C1QTNF7: variants seen among roughly 807,000 people sequenced by gnomAD.
C1QTNF7 encodes complement C1q tumor necrosis factor-related protein 7.
A neutral mutation model predicts 19.6 loss-of-function variants in C1QTNF7; 15 were observed. That is an observed-to-expected ratio of 0.76 (90% CI 0.51 to 1.18). The LOEUF is 1.18. C1QTNF7 is among the 50% of genes most tolerant of loss of function. The probability of loss-of-function intolerance (pLI) is 0.00; values close to 1 mark genes in which losing one functional copy is unlikely to be tolerated. For missense variants in C1QTNF7, 324 were observed against 359.7 expected, an observed-to-expected ratio of 0.90 and a Z score of 0.80; for synonymous variants, 142 against 137.5, an observed-to-expected ratio of 1.03 and a Z score of -0.23.
At chr4:15,396,942 T>G (rs1718806512) in intron 1 of C1QTNF7, among the ~76,000 whole-genome samples, 1 of 152,104 alleles carries the variant, frequency 6.6e-6, no homozygotes, top group African/African-American at 2.4e-5. Context: ...ACTGGGCAAT[T>G]TACAAAAGAG....
At position 15,358,586 on chromosome 4, in the gene C1QTNF7, ATGAAGCAGTGGTTATTTT is replaced by A. The variant is rs1717228632; in HGVS notation, c.13+18381_13+18398del. ...TTGGTATCAGGATGATGCTGGCCTCATGAAGCAGTGGTTATTTTTAAGGATCAATTAAAGTTTGCCTCT... is the reference window on the plus strand; with the variant it reads ...TTGGTATCAGGATGATGCTGGCCTCATAAGGATCAATTAAAGTTTGCCTCT... On this transcript the variant is annotated intron_variant, in intron 1 of 2. Coordinates refer to the C1QTNF7 transcript ENST00000295297. 2.0e-5 allele frequency: 3 copies of A among 152,172 alleles called. No individual in the cohort carries two copies. The South Asian group carries it at 6.2e-4, about 31-fold the overall frequency. The allele number at this position is 152,172 out of a possible 1,614,324, so 9.4% of individuals were successfully genotyped here.
intron 1 of C1QTNF7, among the ~76,000 whole-genome samples, chr4:15,433,952 T>A (rs1712427650): frequency 6.6e-6 from 1 of 152,230 alleles, no homozygotes; most frequent in African/African-American, 2.4e-5. Context: ...TGCATCTTGT[T>A]CTTACTGTGG....
chr4:15,412,576 T>C (rs187119717), intron 1 of C1QTNF7, among the ~76,000 whole-genome samples: 30 of 152,286 alleles, frequency 2.0e-4, no homozygotes, highest in African/African-American at 6.7e-4. Flanking sequence ...CAGGGCCCAC[T>C]TAGATGATCC....
chr4:15,399,003 G>A (rs965107793), intron 1 of C1QTNF7, among the ~76,000 whole-genome samples: 25 of 152,208 alleles, frequency 1.6e-4, no homozygotes, highest in African/African-American at 5.1e-4. Context: ...GTGAGCATGC[G>A]CAGTGTGTTT....
intron 1 of C1QTNF7, among the ~76,000 whole-genome samples, chr4:15,366,885 G>A (rs1349804590): frequency 6.6e-6 from 1 of 152,182 alleles, no homozygotes; most frequent in African/African-American, 2.4e-5. Context: ...GGGTCATGCT[G>A]ATGCACATGA....
At position 15,442,332 on chromosome 4, in the gene C1QTNF7, C is replaced by A; in HGVS notation, c.403C>A (p.Leu135Met). The part of the protein sequence containing the change: ...GDRGEQGDPG[L>M]PGVCRCGSIV... ...CAGAGGAGAACAAGGGGACCCGGGGCTGCCTGGAGTTTGCAGATGTGGAAG... is the reference window on the plus strand; with the variant it reads ...CAGAGGAGAACAAGGGGACCCGGGGATGCCTGGAGTTTGCAGATGTGGAAG... The change falls in exon 3 of 3, where the codon CTG becomes ATG. Residue 135 changes from leucine to methionine, a missense_variant. Leu to Met is a conservative substitution (Grantham distance 15). Transcript: ENST00000444304. 1 of 1,614,108 alleles carries A rather than the reference C, an allele frequency of 6.2e-7. No homozygotes were observed. Among genetic ancestry groups the A allele is most frequent in the Non-Finnish European group, 8.5e-7 (1 of 1,180,010 alleles).
chr4:15,373,608 C>T (rs988997963), intron 1 of C1QTNF7, among the ~76,000 whole-genome samples: 9 of 152,196 alleles, frequency 5.9e-5, no homozygotes, highest in Non-Finnish European at 1.3e-4. Context: ...CTCCACAGGG[C>T]TCCCTTGGCT....
chr4:15,357,010 T>C (rs1717170193), intron 1 of C1QTNF7, among the ~76,000 whole-genome samples: 1 of 151,506 alleles, frequency 6.6e-6, no homozygotes. Context: ...CTTTGTCAGA[T>C]GGATAGATTG....
intron 1 of C1QTNF7, among the ~76,000 whole-genome samples, chr4:15,384,724 C>T (rs1718268143): frequency 6.6e-6 from 1 of 152,226 alleles, no homozygotes; most frequent in African/African-American, 2.4e-5. Flanking sequence ...ATAAACTTTA[C>T]TGGGCCAGAT....
intron 1 of C1QTNF7, among the ~76,000 whole-genome samples, chr4:15,402,171 C>T (rs535707686): frequency 1.3e-5 from 2 of 152,174 alleles, no homozygotes; most frequent in African/African-American, 2.4e-5. Context: ...TGGCAGGTTA[C>T]TTTAGTCTCC....
intron 1 of C1QTNF7, among the ~76,000 whole-genome samples, chr4:15,380,825 C>T (rs1053460824): frequency 6.6e-6 from 1 of 151,920 alleles, no homozygotes; most frequent in African/African-American, 2.4e-5. Flanking sequence ...ATCCCAGCTA[C>T]TGGGGAGGCT....
intron 1 of C1QTNF7, among the ~76,000 whole-genome samples, chr4:15,389,547 G>T (rs903225500): frequency 3.0e-4 from 45 of 152,188 alleles, no homozygotes; most frequent in Non-Finnish European, 2.9e-5. Context: ...AGCTTCCCAA[G>T]TAGCTGGGAT....
At chr4:15,342,570 A>G (rs1406140481) in intron 1 of C1QTNF7, among the ~76,000 whole-genome samples, 2 of 152,210 alleles carry the variant, frequency 1.3e-5, no homozygotes, top group Non-Finnish European at 2.9e-5. Flanking sequence ...GCGTCCCACA[A>G]AGCTGTCCTT....
chr4:15,354,461 A>T (rs1373646445), intron 1 of C1QTNF7, among the ~76,000 whole-genome samples: 1 of 151,956 alleles, frequency 6.6e-6, no homozygotes, highest in African/African-American at 2.4e-5. Flanking sequence ...CCAGATGGGG[A>T]ACTCTCCTCA....
rs376714875 is a variant in C1QTNF7 at position 15,435,918 on chromosome 4, G to A, written c.175G>A (p.Gly59Ser). ...NGSPGPHGRI[G>S]LPGRDGRDGR... Reference sequence around the variant, plus strand: ...TTCCCCTGGGCCCCATGGTCGCATCGGCCTTCCAGGAAGAGATGGTAGAGA... The same window carrying A: ...TTCCCCTGGGCCCCATGGTCGCATCAGCCTTCCAGGAAGAGATGGTAGAGA... The change falls in exon 2 of 3, where the codon GGC becomes AGC. Residue 59 changes from glycine to serine, a missense_variant. Physicochemically the swap from Gly to Ser is moderately conservative, Grantham distance 56 (BLOSUM62 0). Transcript: ENST00000444304. 47 of 1,613,896 alleles carry A rather than the reference G, an allele frequency of 2.9e-5. No homozygotes were observed. Among genetic ancestry groups the A allele is most frequent in the East Asian group, 4.5e-5 (2 of 44,882 alleles).
At chr4:15,362,445 G>C (rs1235553080) in intron 1 of C1QTNF7, 2 of 152,146 alleles carry the variant, frequency 1.3e-5, no homozygotes, top group African/African-American at 4.8e-5. Context: ...TTGTGCGTTA[G>C]TCATAGGCAA....
chr4:15,341,558 G>C (rs1577223020), intron 1 of C1QTNF7, among the ~76,000 whole-genome samples: 3 of 152,152 alleles, frequency 2.0e-5, no homozygotes, highest in East Asian at 3.9e-4. Flanking sequence ...TTAATGCAGC[G>C]AGTGACCCGC....
At chr4:15,368,086 C>T (rs966436148) in intron 1 of C1QTNF7, among the ~76,000 whole-genome samples, 1 of 152,120 alleles carries the variant, frequency 6.6e-6, no homozygotes. Flanking sequence ...CATGCAACCA[C>T]TTATCTGACT....
chr4:15,407,153 G>T (rs1167577577), intron 1 of C1QTNF7, among the ~76,000 whole-genome samples: 1 of 152,062 alleles, frequency 6.6e-6, no homozygotes, highest in African/African-American at 2.4e-5. Flanking sequence ...CCTGGGCATG[G>T]AAAAAGTGTG....
Sources: allele counts gnomAD v4.1 joint callset (sites outside exome capture counted in the v4.1 genomes callset), GRCh38; gene constraint gnomAD v4.1.1; transcripts MANE v1.5; gene names NCBI Gene and HGNC (gene_info 2026-07-23, HGNC 2026-07-21).